Variants in THADA observed in about 807,000 individuals in gnomAD.
THADA encodes the protein tRNA (32-2'-O)-methyltransferase regulator THADA.
In THADA, 213 loss-of-function variants were observed where a neutral mutation model predicts 219.8. That is an observed-to-expected ratio of 0.97 (90% CI 0.87 to 1.09). The LOEUF (loss-of-function observed/expected upper bound fraction) is 1.09, where lower values mean the gene tolerates loss of function less well. THADA is among the 50% of genes least tolerant of loss of function. The pLI, the probability that THADA is intolerant of heterozygous loss-of-function variation, is 0.00. For synonymous variants in THADA, 1,018 were observed against 828.9 expected (o/e 1.23, Z -3.92); for missense variants, 2,956 against 2,311.3 (o/e 1.28, Z -5.72).
At chr2:43,435,208 A>G (rs1018629537) in intron 26 of THADA, among the ~76,000 whole-genome samples, 17 of 152,204 alleles carry the variant, frequency 1.1e-4, no homozygotes, top group African/African-American at 3.9e-4. Context: ...TAATCCGAGC[A>G]CTTTGGGAGG....
chr2:43,248,164 T>TAGAGAGAG (rs70963389), intron 36 of THADA, among the ~76,000 whole-genome samples: 11 of 40,938 alleles, frequency 2.7e-4, no homozygotes, highest in South Asian at 2.2e-3. Flanking sequence ...TATATATATA[T>TAGAGAGAG]AGAGAGAGAG....
chr2:43,343,751 A>G (rs1483283708), intron 30 of THADA: 1 of 154,650 alleles, frequency 6.5e-6, no homozygotes, highest in Non-Finnish European at 1.4e-5. Context: ...GCCTACAGCA[A>G]TCTCTAATCT....
intron 26 of THADA, among the ~76,000 whole-genome samples, chr2:43,451,304 T>G (rs901147742): frequency 6.6e-6 from 1 of 152,184 alleles, no homozygotes; most frequent in African/African-American, 2.4e-5. Context: ...AACTCTAAAG[T>G]GAAACTCTGA....
intron 7 of THADA, among the ~76,000 whole-genome samples, chr2:43,583,944 G>C (rs918677542): frequency 6.6e-6 from 1 of 151,262 alleles, no homozygotes; most frequent in Admixed American, 6.6e-5. Context: ...AGAGGCTGAG[G>C]TGGAAGGATC....
intron 22 of THADA, among the ~76,000 whole-genome samples, chr2:43,510,990 T>TAA (rs71892144): frequency 2.8e-5 from 4 of 140,790 alleles, no homozygotes; most frequent in East Asian, 2.0e-4. Flanking sequence ...TAAAAAAATT[T>TAA]AAAAAAAAAA....
chr2:43,558,855 C>T (rs916931696), intron 16 of THADA, among the ~76,000 whole-genome samples: 1 of 152,084 alleles, frequency 6.6e-6, no homozygotes, highest in African/African-American at 2.4e-5. Context: ...AACTATTTTA[C>T]TAATCTGCAA....
chr2:43,552,290 T>C lies in THADA; in HGVS notation c.2724A>G (p.Glu908=). 1 of 1,610,500 alleles carries C rather than the reference T, an allele frequency of 6.2e-7. No individual in the cohort carries two copies. Among genetic ancestry groups the C allele is most frequent in the South Asian group, 1.1e-5 (1 of 90,236 alleles). The change falls in exon 18 of 38, where the codon GAA becomes GAG. Residue 908 remains glutamate (E), a synonymous_variant. Coordinates refer to ENST00000405975, the MANE Select transcript of THADA (RefSeq NM_022065.5). Reference sequence around the variant, plus strand: ...CTGCTGCTGCCTGAAGCAGAGAATTTTCAGCCTGAGATACTTCTTCCTCAA... The same window carrying C: ...CTGCTGCTGCCTGAAGCAGAGAATTCTCAGCCTGAGATACTTCTTCCTCAA... ...ENLEEEVSQA[E]NSLLQAAAAF...
At chr2:43,578,403 T>C in intron 9 of THADA, 110 bp downstream of exon 9, 1 of 691,614 alleles carries the variant, frequency 1.4e-6, no homozygotes, top group Non-Finnish European at 2.3e-6. Flanking sequence ...TGCCCTGGCC[T>C]CCCAAAGTGT....
intron 28 of THADA, among the ~76,000 whole-genome samples, chr2:43,408,141 A>G (rs1675812722): frequency 6.6e-6 from 1 of 152,228 alleles, no homozygotes; most frequent in South Asian, 2.1e-4. Context: ...CTTTGAAGCA[A>G]GTCATCCACC....
In THADA at chr2:43,235,636, C is replaced by T. The variant is rs536328925; in HGVS notation, c.5297-2754G>A. Among the ~76,000 whole-genome samples, 16 of 152,212 alleles carry T rather than the reference C, an allele frequency of 1.1e-4. No individual in the cohort carries two copies. In the South Asian group the frequency reaches 2.7e-3, roughly 26 times the overall value. ...GTCTCCTTAAGGCAAGGACTGAAAG[C>T]CCAACAGGGAAGAAAAAAATTTCAT... On this transcript the variant is annotated intron_variant, in intron 36 of 37. Coordinates refer to ENST00000405975, the MANE Select transcript of THADA (RefSeq NM_022065.5).
chr2:43,318,507 A>G (rs72877364), intron 31 of THADA, among the ~76,000 whole-genome samples: 2,040 of 152,322 alleles, frequency 0.013, 44 homozygotes, highest in African/African-American at 0.046. Context: ...GAAATGTAGT[A>G]TGTATTTTAC....
Position 43,541,193 on chromosome 2 carries a change from G to A in THADA, c.3230C>T (p.Pro1077Leu). 1 of 1,602,430 alleles carries A rather than the reference G, an allele frequency of 6.2e-7. No individual in the cohort carries two copies. Among genetic ancestry groups the A allele is most frequent in the Non-Finnish European group, 8.5e-7 (1 of 1,176,036 alleles). The change falls in exon 21 of 38, where the codon CCA becomes CTA. Residue 1077 changes from proline to leucine, a missense_variant. Coordinates refer to ENST00000405975, the MANE Select transcript of THADA (RefSeq NM_022065.5). ...CGTCAATAATCCATCAGAAGATTCT[G>A]GCACAGGCTGCATGGGCAGAAGCTG... Reference protein sequence around the residue: ...LCQLLPMQPVPESSDGLLTVE... With the variant: ...LCQLLPMQPVLESSDGLLTVE...
chr2:43,422,381 CA>C (rs756588965), intron 28 of THADA, among the ~76,000 whole-genome samples: 3 of 152,112 alleles, frequency 2.0e-5, no homozygotes, highest in Non-Finnish European at 2.9e-5. Flanking sequence ...TCATCTTGGT[CA>C]CCTCCCCTCG....
chr2:43,381,355 C>A (rs975153016), intron 29 of THADA, among the ~76,000 whole-genome samples: 2 of 152,056 alleles, frequency 1.3e-5, no homozygotes, highest in African/African-American at 2.4e-5. Flanking sequence ...ATTTCCCACA[C>A]AGAAGAATTC....
chr2:43,575,638 G>A (rs1432302407), intron 10 of THADA, among the ~76,000 whole-genome samples: 1 of 152,166 alleles, frequency 6.6e-6, no homozygotes, highest in African/African-American at 2.4e-5. Flanking sequence ...CCAGGTTCAA[G>A]CGATTCTCCT....
At chr2:43,396,219 G>A (rs1674025280) in intron 29 of THADA, among the ~76,000 whole-genome samples, 1 of 152,126 alleles carries the variant, frequency 6.6e-6, no homozygotes, top group Non-Finnish European at 1.5e-5. Context: ...CTACCCACTG[G>A]GAGCCTTTAT....
Position 43,544,797 on chromosome 2 carries a change from G to C in THADA, c.3107-3481C>G, listed in dbSNP as rs375061543. On this transcript the variant is annotated intron_variant, in intron 20 of 37. Transcript: ENST00000405975. The stretch of plus-strand genomic sequence containing the variant: ...TGGGCTGAGAAAATGGGGTTTTCTA[G>C]ATATACAATCATGTCATCTGCAAAC... 7.6e-4 allele frequency among the ~76,000 whole-genome samples: 116 copies of C among 151,638 alleles called. No individual in the cohort carries two copies. In the East Asian group the frequency reaches 0.021, roughly 28 times the overall value.
intron 31 of THADA, among the ~76,000 whole-genome samples, chr2:43,315,389 C>A (rs1301862399): frequency 6.6e-6 from 1 of 152,198 alleles, no homozygotes. Context: ...ACCTCCCAAA[C>A]CCCTAATATT....
At chr2:43,292,303 G>C (rs1312964141) in intron 32 of THADA, 81 bp from the exon 33 acceptor site, 65 of 894,872 alleles carry the variant, frequency 7.3e-5, no homozygotes, top group Admixed American at 3.1e-5. Flanking sequence ...ATAATCAATT[G>C]TATCAACAAG....
Sources: allele counts gnomAD v4.1 joint callset (sites outside exome capture counted in the v4.1 genomes callset), GRCh38; gene constraint gnomAD v4.1.1; transcripts MANE v1.5; gene names NCBI Gene and HGNC (gene_info 2026-07-23, HGNC 2026-07-21).